Variants in CTDSPL2 observed in about 807,000 individuals in gnomAD.
CTDSPL2 encodes the protein CTD small phosphatase like 2.
In CTDSPL2, 5 loss-of-function variants were observed where a neutral mutation model predicts 60.0. The observed-to-expected ratio is 0.08, with a 90% CI of 0.04 to 0.18. The LOEUF (loss-of-function observed/expected upper bound fraction) is 0.18. CTDSPL2 is among the 10% of genes least tolerant of loss of function. The pLI, the probability that CTDSPL2 is intolerant of heterozygous loss-of-function variation, is 1.00. For missense variants in CTDSPL2, 370 were observed against 548.8 expected (o/e 0.67, Z 3.26); for synonymous variants, 186 against 189.3 (o/e 0.98, Z 0.14).
intron 4 of CTDSPL2, among the ~76,000 whole-genome samples, chr15:44,488,625 C>T (rs924305812): frequency 4.6e-5 from 7 of 151,982 alleles, no homozygotes; most frequent in African/African-American, 1.7e-4. Context: ...CCAGCCTGAC[C>T]AACATGGAGA....
intron 1 of CTDSPL2, among the ~76,000 whole-genome samples, chr15:44,428,795 T>A (rs1265309105): frequency 6.6e-6 from 1 of 152,216 alleles, no homozygotes; most frequent in Non-Finnish European, 1.5e-5. Flanking sequence ...AGTTTTAAAT[T>A]TTCGTTCCTG....
At chr15:44,509,406 C>G (rs1379799330) in intron 8 of CTDSPL2, among the ~76,000 whole-genome samples, 1 of 151,884 alleles carries the variant, frequency 6.6e-6, no homozygotes, top group African/African-American at 2.4e-5. Context: ...GGGTTTCCAC[C>G]ATGTTGGCCA....
In CTDSPL2 at chr15:44,524,180, A is replaced by G. The variant is rs1045586806; in HGVS notation, c.*6A>G. ...ATTTGCTGCCCCCAGATTAAGTACA[A>G]AGACTTGTCAAATCACTGAAGGGGG... On this transcript the variant is annotated 3_prime_UTR_variant, in exon 13 of 13. Transcript: ENST00000260327. 1.2e-6 allele frequency: 2 copies of G among 1,607,758 alleles called. No homozygotes were observed. Among genetic ancestry groups the G allele is most frequent in the Non-Finnish European group, 1.7e-6 (2 of 1,174,318 alleles).
chr15:44,494,760 C>CA (rs1732868821), intron 5 of CTDSPL2, among the ~76,000 whole-genome samples: 1 of 151,744 alleles, frequency 6.6e-6, no homozygotes, highest in Non-Finnish European at 1.5e-5. Flanking sequence ...ACTAAAAATA[C>CA]AAAAAATTAG....
chr15:44,525,791 A>G lies in CTDSPL2; in HGVS notation c.*1617A>G, dbSNP rs1376358488. On this transcript the variant is annotated 3_prime_UTR_variant, in exon 13 of 13. Transcript: ENST00000260327. ...GATTTTAAAGGCATGAGTTATGTCA[A>G]TTTTCAGTGTATTAATGAAGATTTT... 3 of 233,324 alleles carry G rather than the reference A, an allele frequency of 1.3e-5. No individual in the cohort carries two copies. The highest frequency in any genetic ancestry group is 1.6e-4 in the East Asian group (2 of 12,224). The allele number at this position is 233,324 out of a possible 1,614,324, so 14.5% of individuals were successfully genotyped here. A position where few individuals can be genotyped will look rare whatever the true frequency, so the allele number is the denominator to read the frequency against.
intron 1 of CTDSPL2, among the ~76,000 whole-genome samples, chr15:44,430,561 T>C (rs2079836593): frequency 2.0e-5 from 3 of 152,144 alleles, no homozygotes; most frequent in Admixed American, 2.0e-4. Context: ...ATAGTATTAA[T>C]TTATCCTAGT....
intron 1 of CTDSPL2, among the ~76,000 whole-genome samples, chr15:44,440,659 A>T (rs1456874315): frequency 1.3e-5 from 2 of 150,274 alleles, no homozygotes; most frequent in Non-Finnish European, 3.0e-5. Context: ...TGGTTTTTAA[A>T]TTTTTTTTTT....
intron 4 of CTDSPL2, among the ~76,000 whole-genome samples, chr15:44,489,088 C>T (rs1282485125): frequency 6.6e-6 from 1 of 152,012 alleles, no homozygotes; most frequent in Admixed American, 6.6e-5. Context: ...TCTCCCCACC[C>T]CATACACACA....
chr15:44,473,357 A>G (rs1339527726), intron 2 of CTDSPL2, among the ~76,000 whole-genome samples: 1 of 151,978 alleles, frequency 6.6e-6, no homozygotes, highest in Non-Finnish European at 1.5e-5. Context: ...GTGCAGTGGC[A>G]CGATCTCAGC....
At chr15:44,464,675 C>T (rs1033420406) in intron 2 of CTDSPL2, among the ~76,000 whole-genome samples, 2 of 152,064 alleles carry the variant, frequency 1.3e-5, no homozygotes, top group Admixed American at 1.3e-4. Context: ...ACTGGTCATA[C>T]TTCTTTAGGG....
At chr15:44,523,987 C>T in intron 12 of CTDSPL2, 122 bp from the exon 13 acceptor site, 1 of 717,560 alleles carries the variant, frequency 1.4e-6, no homozygotes, top group Non-Finnish European at 2.4e-6. Context: ...CTCTATTTGG[C>T]AAATAAAATA....
intron 1 of CTDSPL2, among the ~76,000 whole-genome samples, chr15:44,446,014 C>T (rs1252728611): frequency 1.3e-5 from 2 of 150,884 alleles, no homozygotes; most frequent in African/African-American, 2.4e-5. Context: ...CAGCCTCCAC[C>T]TCCCGGGTGC....
At chr15:44,479,075 AAC>A (rs2080976522) in intron 2 of CTDSPL2, among the ~76,000 whole-genome samples, 1 of 150,120 alleles carries the variant, frequency 6.7e-6, no homozygotes, top group Non-Finnish European at 1.5e-5. Context: ...AAAACAAACA[AAC>A]AAAAAAAAAA....
At chr15:44,493,034 T>C (rs1358487507) in intron 5 of CTDSPL2, among the ~76,000 whole-genome samples, 1 of 152,332 alleles carries the variant, frequency 6.6e-6, no homozygotes, top group East Asian at 1.9e-4. Flanking sequence ...AATTAAGATA[T>C]ACTATAGTTG....
At chr15:44,451,228 G>T (rs2140666940) in intron 1 of CTDSPL2, among the ~76,000 whole-genome samples, 1 of 152,160 alleles carries the variant, frequency 6.6e-6, no homozygotes, top group South Asian at 2.1e-4. Flanking sequence ...AGCCTTCCAA[G>T]TAGCTGAGAC....
chr15:44,513,926 A>C (rs746859329), intron 8 of CTDSPL2, among the ~76,000 whole-genome samples: 13 of 152,204 alleles, frequency 8.5e-5, no homozygotes, highest in Admixed American at 2.6e-4. Context: ...TTCTGTGGGT[A>C]CTGTAGTCTT....
chr15:44,460,794 CTG>C (rs1567072313), intron 2 of CTDSPL2, among the ~76,000 whole-genome samples: 2 of 152,036 alleles, frequency 1.3e-5, no homozygotes, highest in Admixed American at 6.6e-5. Flanking sequence ...TTTATGTAAA[CTG>C]AGAAAATATT....
chr15:44,523,091 T>C (rs2081811034), intron 12 of CTDSPL2, among the ~76,000 whole-genome samples: 1 of 151,928 alleles, frequency 6.6e-6, no homozygotes, highest in Non-Finnish European at 1.5e-5. Context: ...CCGCCTCCCA[T>C]GTTCAAGGGA....
At chr15:44,474,901 A>G (rs1188321380) in intron 2 of CTDSPL2, among the ~76,000 whole-genome samples, 16 of 152,118 alleles carry the variant, frequency 1.1e-4, no homozygotes, top group Admixed American at 1.0e-3. Context: ...GTCTTAAGGT[A>G]CCAGTTACTA....
Sources: gnomAD v4.1 joint callset for allele counts (sites outside exome capture counted in the v4.1 genomes callset) on GRCh38, gnomAD v4.1.1 for gene constraint, MANE v1.5 for transcripts, NCBI Gene and HGNC (gene_info 2026-07-23, HGNC 2026-07-21) for gene names.